PALLD: variants seen among roughly 807,000 people sequenced by gnomAD.
The protein encoded by PALLD is palladin.
In PALLD, 61 loss-of-function variants were observed where a neutral mutation model predicts 123.5. That is an observed-to-expected ratio of 0.49 (90% CI 0.40 to 0.61). PALLD has a LOEUF of 0.61. Ranked by LOEUF, PALLD falls within the 20% of genes least tolerant of loss-of-function variation. The pLI is 0.00. For missense variants in PALLD, 1,273 were observed against 1,377.0 expected (o/e 0.92, Z 1.20); for synonymous variants, 465 against 496.4 (o/e 0.94, Z 0.84).
intron 10 of PALLD, among the ~76,000 whole-genome samples, chr4:168,713,879 A>G (rs975298355): frequency 2.0e-5 from 3 of 149,784 alleles, no homozygotes; most frequent in African/African-American, 7.3e-5. Context: ...GAAAAAGCAG[A>G]ACACCTAACC....
Position 168,625,500 on chromosome 4 carries a change from G to GAGATAGATAGATAGATAGATAGAT in PALLD, c.909-42685_909-42684insGATAGATAGATAGATAGATAGATA, listed in dbSNP as rs148655486. Among the ~76,000 whole-genome samples the GAGATAGATAGATAGATAGATAGAT allele has an allele frequency of 2.4e-3, 86 of 35,192 alleles. 7 individuals carry two copies. In the East Asian group the frequency reaches 0.032, roughly 13 times the overall value. 23.1% of individuals were successfully genotyped at this position (35,192 alleles called of 152,430 possible). A position where few individuals can be genotyped will look rare whatever the true frequency, so the allele number is the denominator to read the frequency against. On this transcript the variant is annotated intron_variant, in intron 2 of 21. Coordinates refer to ENST00000505667, the MANE Select transcript of PALLD (RefSeq NM_001166108.2). Reference sequence around the variant, plus strand: ...TATCCAATAAGGGATTAATATCCAGGAGATATATATATATATATCCTATAA... The same window carrying GAGATAGATAGATAGATAGATAGAT: ...TATCCAATAAGGGATTAATATCCAGGAGATAGATAGATAGATAGATAGATAGATATATATATATATATCCTATAA...
chr4:168,628,390 C>T (rs1466792243), intron 2 of PALLD, among the ~76,000 whole-genome samples: 1 of 152,234 alleles, frequency 6.6e-6, no homozygotes, highest in Non-Finnish European at 1.5e-5. Flanking sequence ...GAAATACTTA[C>T]ACTGGTTTAG....
At chr4:168,747,352 G>T (rs1379404726) in intron 10 of PALLD, among the ~76,000 whole-genome samples, 4 of 152,208 alleles carry the variant, frequency 2.6e-5, no homozygotes, top group African/African-American at 9.7e-5. Flanking sequence ...TCACTCCTGT[G>T]GGAAAAGCAT....
intron 10 of PALLD, among the ~76,000 whole-genome samples, chr4:168,783,815 A>C (rs1413735885): frequency 2.0e-5 from 3 of 152,160 alleles, no homozygotes; most frequent in African/African-American, 7.2e-5. Context: ...TTTTCCAAAA[A>C]CACTTTGATG....
intron 8 of PALLD, among the ~76,000 whole-genome samples, chr4:168,694,262 C>T (rs570535446): frequency 2.0e-5 from 3 of 152,310 alleles, no homozygotes; most frequent in Non-Finnish European, 4.4e-5. Flanking sequence ...GACTACAATA[C>T]ATCTGAGGCA....
At chr4:168,685,416 G>C in intron 5 of PALLD, 69 bp from the exon 6 acceptor site, 1 of 971,152 alleles carries the variant, frequency 1.0e-6, no homozygotes, top group Middle Eastern at 2.0e-4. Context: ...ATAATGAAAG[G>C]TTTCTTCAGC....
intron 10 of PALLD, among the ~76,000 whole-genome samples, chr4:168,744,117 AAC>A (rs1235404297): frequency 6.6e-6 from 1 of 152,166 alleles, no homozygotes; most frequent in Non-Finnish European, 1.5e-5. Flanking sequence ...CCCAGAGGAC[AAC>A]ACTCTGGGGC....
intron 2 of PALLD, among the ~76,000 whole-genome samples, chr4:168,551,918 G>C (rs1032593020): frequency 1.3e-5 from 2 of 152,154 alleles, no homozygotes; most frequent in African/African-American, 4.8e-5. Flanking sequence ...ATGACACCAA[G>C]TTTTTCCAAG....
Position 168,877,929 on chromosome 4 carries a change from A to G in PALLD, c.1965-12993A>G, listed in dbSNP as rs1176572401. 2.0e-6 allele frequency: 3 copies of G among 1,489,574 alleles called. No individual in the cohort carries two copies. The South Asian group carries it at 3.7e-5, about 19-fold the overall frequency. The allele number at this position is 1,489,574 out of a possible 1,614,324, so 92.3% of individuals were successfully genotyped here. On this transcript the variant is annotated intron_variant, in intron 10 of 21. Transcript: ENST00000505667. ...GCCTCCCGCTCCGCCCCCGCCATGC[A>G]GTCCTCCGGCTCCTTCAACTACGCG...
chr4:168,612,065 TG>T (rs1773782521), intron 2 of PALLD, among the ~76,000 whole-genome samples: 1 of 152,032 alleles, frequency 6.6e-6, no homozygotes, highest in Non-Finnish European at 1.5e-5. Context: ...GAAGCTGAAG[TG>T]GGAGGACCAC....
Position 168,928,326 on chromosome 4 carries a change from T to TAAAA in PALLD, c.*2153_*2156dup. 5.6e-6 allele frequency: 1 copy of TAAAA among 179,412 alleles called. No homozygotes were observed. The highest frequency in any genetic ancestry group is 2.4e-5 in the African/African-American group (1 of 41,984). 11.1% of individuals were successfully genotyped at this position (179,412 alleles called of 1,614,324 possible). A position where few individuals can be genotyped will look rare whatever the true frequency, so the allele number is the denominator to read the frequency against. ...TTTTGCCACCTTTATATTGTATTTA[T>TAAAA]AAAAAAAAAAGTACTATCAATCAAT... On this transcript the variant is annotated 3_prime_UTR_variant, in exon 22 of 22. Coordinates refer to ENST00000505667, the MANE Select transcript of PALLD (RefSeq NM_001166108.2).
At chr4:168,926,095 C>T in intron 21 of PALLD, 118 bp from the exon 22 acceptor site, 1 of 784,064 alleles carries the variant, frequency 1.3e-6, no homozygotes. Context: ...CATGTTTCTA[C>T]CATGGATGTG....
chr4:168,593,436 C>CAAAAAAA (rs771493669), intron 2 of PALLD, among the ~76,000 whole-genome samples: 28 of 103,332 alleles, frequency 2.7e-4, no homozygotes, highest in African/African-American at 8.1e-4. Flanking sequence ...AGTCACCAGG[C>CAAAAAAA]AAAAAAAAAA....
At chr4:168,747,348 C>T (rs1561476199) in intron 10 of PALLD, among the ~76,000 whole-genome samples, 2 of 152,206 alleles carry the variant, frequency 1.3e-5, no homozygotes, top group Admixed American at 6.5e-5. Context: ...GTTTTCACTC[C>T]TGTGGGAAAA....
chr4:168,707,111 T>A (rs1784303976), intron 8 of PALLD, among the ~76,000 whole-genome samples: 1 of 152,202 alleles, frequency 6.6e-6, no homozygotes, highest in South Asian at 2.1e-4. Flanking sequence ...ACTTCTTTTG[T>A]TTCAGGGTTT....
chr4:168,613,744 G>A (rs1004133815), intron 2 of PALLD, among the ~76,000 whole-genome samples: 1 of 152,188 alleles, frequency 6.6e-6, no homozygotes, highest in Non-Finnish European at 1.5e-5. Flanking sequence ...GACAGAGTGT[G>A]CCCCAAGTCA....
chr4:168,635,026 T>C (rs903972933), intron 2 of PALLD, among the ~76,000 whole-genome samples: 8 of 152,188 alleles, frequency 5.3e-5, no homozygotes, highest in African/African-American at 1.7e-4. Flanking sequence ...CAAATACCAT[T>C]GCCAGAGAAG....
At chr4:168,905,147 T>G (rs1219689859) in intron 15 of PALLD, among the ~76,000 whole-genome samples, 2 of 128,992 alleles carry the variant, frequency 1.6e-5, no homozygotes, top group Non-Finnish European at 3.3e-5. Flanking sequence ...GGTTTTTTTT[T>G]TTTTTTTTTT....
intron 2 of PALLD, among the ~76,000 whole-genome samples, chr4:168,602,224 G>T (rs566583237): frequency 6.6e-6 from 1 of 152,146 alleles, no homozygotes; most frequent in Non-Finnish European, 1.5e-5. Flanking sequence ...TTATGTACTC[G>T]CCAGGCAGGC....
Sources: gnomAD v4.1 joint callset for allele counts (sites outside exome capture counted in the v4.1 genomes callset) on GRCh38, gnomAD v4.1.1 for gene constraint, MANE v1.5 for transcripts, NCBI Gene and HGNC (gene_info 2026-07-23, HGNC 2026-07-21) for gene names.